The following TRPM8 variants were observed in gnomAD, a reference collection of about 807,000 sequenced individuals.
TRPM8 encodes the protein transient receptor potential cation channel subfamily M member 8.
A neutral mutation model predicts 133.7 loss-of-function variants in TRPM8; 110 were observed. That is an observed-to-expected ratio of 0.82 (90% CI 0.70 to 0.96). The LOEUF is 0.96. Ranked by LOEUF, TRPM8 falls within the 40% of genes least tolerant of loss-of-function variation. TRPM8 has a pLI of 0.00. For missense variants in TRPM8, 1,291 were observed against 1,379.5 expected (o/e 0.94, Z 1.02); for synonymous variants, 535 against 532.3 (o/e 1.01, Z -0.07).
chr2:234,002,301 G>A (rs6750653), intron 22 of TRPM8, among the ~76,000 whole-genome samples: 6 of 151,962 alleles, frequency 3.9e-5, no homozygotes, highest in African/African-American at 1.5e-4. Context: ...TGCAGGAGAC[G>A]AGAGTAAGGC....
rs1691480621 is a variant in TRPM8 at position 233,963,177 on chromosome 2, G to T, written c.1654-105G>T. The T allele has an allele frequency of 1.1e-5, 7 of 624,184 alleles. No individual in the cohort carries two copies. In the Admixed American group the frequency reaches 1.9e-4, roughly 17 times the overall value. The allele number at this position is 624,184 out of a possible 1,614,324, so 38.7% of individuals were successfully genotyped here. ...CACTGTACTGTGAGAATGGAGTCAT[G>T]CACAAAGCCACAGAGCCCTCCAAAC... On this transcript the variant is annotated intron_variant, in intron 12 of 25. Coordinates refer to ENST00000324695, the MANE Select transcript of TRPM8 (RefSeq NM_024080.5).
intron 2 of TRPM8, among the ~76,000 whole-genome samples, chr2:233,929,001 TTTTTTTTA>T (rs920438192): frequency 2.1e-4 from 28 of 135,154 alleles, no homozygotes; most frequent in African/African-American, 7.4e-4. Context: ...TCTTTTCTTT[TTTTTTTTA>T]TTTTTTTGCT....
chr2:233,947,401 G>A (rs981745940), intron 8 of TRPM8: 6 of 1,497,628 alleles, frequency 4.0e-6, no homozygotes, highest in African/African-American at 2.8e-5. Context: ...CAGTCAACCT[G>A]CCAAAGAGAA....
At chr2:233,940,566 C>G (rs1690880963) in intron 5 of TRPM8, among the ~76,000 whole-genome samples, 1 of 152,188 alleles carries the variant, frequency 6.6e-6, no homozygotes. Flanking sequence ...GCGCCTCTTT[C>G]TATGCAGATG....
At chr2:233,960,121 T>C (rs1262660397) in intron 11 of TRPM8, among the ~76,000 whole-genome samples, 1 of 152,156 alleles carries the variant, frequency 6.6e-6, no homozygotes, top group Non-Finnish European at 1.5e-5. Flanking sequence ...AATGTAGAGC[T>C]AGAGATAGAC....
intron 22 of TRPM8, among the ~76,000 whole-genome samples, chr2:234,001,986 G>A (rs1270945524): frequency 3.3e-5 from 5 of 152,200 alleles, no homozygotes; most frequent in Non-Finnish European, 7.3e-5. Flanking sequence ...ATCATCTGGG[G>A]GAGTGGGGAG....
intron 20 of TRPM8, among the ~76,000 whole-genome samples, chr2:233,984,822 G>A (rs1359894349): frequency 1.3e-5 from 2 of 152,172 alleles, no homozygotes; most frequent in Admixed American, 1.3e-4. Flanking sequence ...GGTGGCTTAT[G>A]CCTGTAATCC....
At position 234,002,635 on chromosome 2, in the gene TRPM8, G is replaced by A. The variant is rs146414113; in HGVS notation, c.3131-4218G>A. Among the ~76,000 whole-genome samples the A allele has an allele frequency of 1.2e-3, 188 of 152,262 alleles. 1 individual carries two copies. Among genetic ancestry groups the A allele is most frequent in the Middle Eastern group, 3.4e-3 (1 of 294 alleles). On this transcript the variant is annotated intron_variant, in intron 22 of 25. Transcript: ENST00000324695. ...GAATATGTTGGCGGAGGGGAGGGTC[G>A]TGAGATGCCTCCCCACCTCCACCTG...
chr2:233,951,035 TACAAACAA>T (rs67334712), intron 9 of TRPM8, among the ~76,000 whole-genome samples: 1,777 of 150,696 alleles, frequency 0.012, 21 homozygotes, highest in African/African-American at 0.034. Flanking sequence ...ACCCCGTCCC[TACAAACAA>T]ACAAACAAAC....
chr2:233,939,078 C>T lies in TRPM8; in HGVS notation c.429C>T (p.Asn143=), dbSNP rs775676514. The change falls in exon 5 of 26, where the codon AAC becomes AAT. Residue 143 remains asparagine, a synonymous_variant. Transcript: ENST00000324695. The part of the protein sequence containing the change: ...LTQHWHLKTP[N]LVISVTGGAK... Reference sequence around the variant, plus strand: ...AGCACTGGCACCTGAAAACACCCAACCTGGTCATTTCTGTGACCGGGGGCG... The same window carrying T: ...AGCACTGGCACCTGAAAACACCCAATCTGGTCATTTCTGTGACCGGGGGCG... 6 of 1,614,104 alleles carry T rather than the reference C, an allele frequency of 3.7e-6. No individual in the cohort carries two copies.
chr2:233,966,864 A>G, intron 15 of TRPM8, 109 bp downstream of exon 15: 1 of 1,346,692 alleles, frequency 7.4e-7, no homozygotes, highest in Non-Finnish European at 9.8e-7. Flanking sequence ...CTCCAATATA[A>G]AAGCCATAGA....
chr2:234,013,770 C>A (rs148376280), intron 24 of TRPM8: 30 of 152,270 alleles, frequency 2.0e-4, no homozygotes, highest in Admixed American at 4.6e-4. Context: ...AAGTTATTTA[C>A]AATTCATCTT....
At chr2:233,964,551 CAAAAAAAAAAAAAAAAA>C in intron 13 of TRPM8, 60 bp from the exon 14 acceptor site, 1 of 570,294 alleles carries the variant, frequency 1.8e-6, no homozygotes, top group South Asian at 5.3e-5. Flanking sequence ...GACTCCGTCT[CAAAAAAAAAAAAAAAAA>C]AAAAAAAAAG....
chr2:233,958,945 C>T (rs1381906034), intron 11 of TRPM8, among the ~76,000 whole-genome samples: 1 of 151,398 alleles, frequency 6.6e-6, no homozygotes, highest in Non-Finnish European at 1.5e-5. Flanking sequence ...AGAGCCAAGG[C>T]TCCGGGAAGC....
intron 19 of TRPM8, 36 bp from the exon 20 acceptor site, chr2:233,983,017 C>T (rs200148389): frequency 6.8e-5 from 108 of 1,589,060 alleles, no homozygotes; most frequent in East Asian, 9.0e-5. Context: ...ACTGTGGGCA[C>T]GGTCCTGACT....
intron 9 of TRPM8, chr2:233,953,667 C>A (rs7597012): frequency 0.3 from 100,077 of 334,196 alleles, 25,190 homozygotes; most frequent in African/African-American, 0.79. Context: ...CACACAGCAC[C>A]TGCACGCAGA....
chr2:233,980,081 A>C (rs1042344877), intron 17 of TRPM8, 107 bp from the exon 18 acceptor site: 9 of 775,130 alleles, frequency 1.2e-5, no homozygotes, highest in Non-Finnish European at 1.9e-5. Context: ...CAAACACGTC[A>C]TTGGCTCAAA....
At chr2:233,942,304 T>A (rs1193490013) in intron 5 of TRPM8, among the ~76,000 whole-genome samples, 1 of 152,108 alleles carries the variant, frequency 6.6e-6, no homozygotes, top group Non-Finnish European at 1.5e-5. Context: ...GGTCATGAAC[T>A]CCTGACCTCG....
intron 25 of TRPM8, among the ~76,000 whole-genome samples, chr2:234,016,441 A>G (rs1231659638): frequency 6.6e-6 from 1 of 152,202 alleles, no homozygotes; most frequent in African/African-American, 2.4e-5. Flanking sequence ...TCAGCTAGGT[A>G]TGCTCTGCCA....
Sources: gnomAD v4.1 joint callset for allele counts (sites outside exome capture counted in the v4.1 genomes callset) on GRCh38, gnomAD v4.1.1 for gene constraint, MANE v1.5 for transcripts, NCBI Gene and HGNC (gene_info 2026-07-23, HGNC 2026-07-21) for gene names.